Variants in BTBD9 observed in about 807,000 individuals in gnomAD.
The protein encoded by BTBD9 is BTB domain containing 9.
In BTBD9, 49 loss-of-function variants were observed where a neutral mutation model predicts 64.3. That is an observed-to-expected ratio of 0.76 (90% confidence interval 0.61 to 0.97). BTBD9 has a LOEUF of 0.97. Ranked by LOEUF, BTBD9 falls within the 50% of genes least tolerant of loss-of-function variation. The pLI is 0.00. For synonymous variants in BTBD9, 260 were observed against 274.7 expected (o/e 0.95, Z 0.53); for missense variants, 598 against 762.1 (o/e 0.78, Z 2.53).
At chr6:38,178,906 G>A (rs1761409694) in intron 10 of BTBD9, among the ~76,000 whole-genome samples, 1 of 152,116 alleles carries the variant, frequency 6.6e-6, no homozygotes, top group African/African-American at 2.4e-5. Flanking sequence ...AGGCTGGGGT[G>A]CAGGGGGGCT....
At chr6:38,342,449 T>C (rs998345991) in intron 7 of BTBD9, among the ~76,000 whole-genome samples, 32 of 151,190 alleles carry the variant, frequency 2.1e-4, no homozygotes, top group Admixed American at 5.3e-4. Flanking sequence ...GACAGGAGAA[T>C]TGCTTGAACC....
At chr6:38,557,306 T>C (rs1456130109) in intron 6 of BTBD9, among the ~76,000 whole-genome samples, 2 of 152,026 alleles carry the variant, frequency 1.3e-5, no homozygotes, top group Non-Finnish European at 2.9e-5. Context: ...GATCGTGCCA[T>C]TGCACTCCAG....
At chr6:38,513,751 C>T (rs1772882255) in intron 6 of BTBD9, among the ~76,000 whole-genome samples, 1 of 152,150 alleles carries the variant, frequency 6.6e-6, no homozygotes, top group Non-Finnish European at 1.5e-5. Flanking sequence ...CATGACTAGA[C>T]ATATTCAAGT....
chr6:38,618,921 G>A (rs1777890209), intron 1 of BTBD9, among the ~76,000 whole-genome samples: 1 of 152,162 alleles, frequency 6.6e-6, no homozygotes, highest in Non-Finnish European at 1.5e-5. Flanking sequence ...CTACCAGTCA[G>A]CAAGCCGTCC....
intron 9 of BTBD9, among the ~76,000 whole-genome samples, chr6:38,233,991 T>C (rs889013605): frequency 2.0e-5 from 3 of 152,362 alleles, no homozygotes; most frequent in South Asian, 2.1e-4. Context: ...ACTGTGTCCA[T>C]GCTAAAAATA....
chr6:38,519,840 T>C (rs181036476), intron 6 of BTBD9, among the ~76,000 whole-genome samples: 1 of 152,320 alleles, frequency 6.6e-6, no homozygotes, highest in Admixed American at 6.5e-5. Flanking sequence ...CTAAGCTAGA[T>C]CAAGGTGAGT....
chr6:38,301,873 G>C (rs1762416383), intron 7 of BTBD9, among the ~76,000 whole-genome samples: 1 of 151,956 alleles, frequency 6.6e-6, no homozygotes, highest in African/African-American at 2.4e-5. Context: ...GTTCTGCTCT[G>C]ATCTTAGTTA....
At chr6:38,556,125 C>T (rs1449740527) in intron 6 of BTBD9, among the ~76,000 whole-genome samples, 1 of 152,202 alleles carries the variant, frequency 6.6e-6, no homozygotes, top group Non-Finnish European at 1.5e-5. Context: ...CGAAAGGCCA[C>T]AGTCATCATG....
chr6:38,301,590 A>G (rs1279735861), intron 7 of BTBD9, among the ~76,000 whole-genome samples: 2 of 152,204 alleles, frequency 1.3e-5, no homozygotes, highest in African/African-American at 4.8e-5. Context: ...TAGTCTTGGG[A>G]GACTGTATGT....
intron 1 of BTBD9, among the ~76,000 whole-genome samples, chr6:38,631,652 G>T (rs1363365239): frequency 1.3e-5 from 2 of 152,126 alleles, no homozygotes; most frequent in African/African-American, 4.8e-5. Context: ...CCTGTCAACA[G>T]CCATGTGAGT....
chr6:38,386,791 T>C (rs1221072984), intron 6 of BTBD9, among the ~76,000 whole-genome samples: 56 of 152,102 alleles, frequency 3.7e-4, no homozygotes, highest in Non-Finnish European at 1.3e-4. Context: ...TACAGGTGTA[T>C]GCACAACATC....
At chr6:38,200,718 A>C (rs549317412) in intron 9 of BTBD9, among the ~76,000 whole-genome samples, 1 of 152,374 alleles carries the variant, frequency 6.6e-6, no homozygotes, top group Admixed American at 6.5e-5. Flanking sequence ...AATCAGGAAG[A>C]AATAGAAAAC....
intron 1 of BTBD9, among the ~76,000 whole-genome samples, chr6:38,620,280 C>T (rs1192866159): frequency 6.6e-6 from 1 of 152,200 alleles, no homozygotes; most frequent in East Asian, 1.9e-4. Context: ...AACTCCTATA[C>T]CCTGCTCTCT....
chr6:38,605,051 CTT>C (rs70981570), intron 1 of BTBD9, among the ~76,000 whole-genome samples: 7 of 143,076 alleles, frequency 4.9e-5, no homozygotes, highest in Admixed American at 1.4e-4. Flanking sequence ...TTTGCTAATT[CTT>C]TTTTTTTTTT....
chr6:38,244,634 T>C (rs1764119742), intron 9 of BTBD9, among the ~76,000 whole-genome samples: 1 of 152,184 alleles, frequency 6.6e-6, no homozygotes, highest in Non-Finnish European at 1.5e-5. Context: ...AAATAAACTT[T>C]ACTCTCTCTA....
intron 6 of BTBD9, among the ~76,000 whole-genome samples, chr6:38,501,754 T>C (rs1017170934): frequency 3.9e-5 from 6 of 152,206 alleles, no homozygotes; most frequent in African/African-American, 4.8e-5. Flanking sequence ...TCACAACAGA[T>C]TGAATGAGAA....
At chr6:38,523,879 C>A (rs935594145) in intron 6 of BTBD9, among the ~76,000 whole-genome samples, 3 of 152,184 alleles carry the variant, frequency 2.0e-5, no homozygotes, top group Non-Finnish European at 4.4e-5. Context: ...GGCAGATTCA[C>A]GGTTCACACC....
chr6:38,303,903 G>T (rs1372140147), intron 7 of BTBD9, among the ~76,000 whole-genome samples: 1 of 112,640 alleles, frequency 8.9e-6, no homozygotes, highest in Non-Finnish European at 1.8e-5. Flanking sequence ...ATATATATAC[G>T]TGTATATATG....
At chr6:38,191,322 G>T (rs1409687798) in intron 10 of BTBD9, among the ~76,000 whole-genome samples, 1 of 152,206 alleles carries the variant, frequency 6.6e-6, no homozygotes, top group African/African-American at 2.4e-5. Flanking sequence ...ACACCTTGAT[G>T]TGTTCTGGGG....
Sources: gnomAD v4.1 joint callset for allele counts (sites outside exome capture counted in the v4.1 genomes callset) on GRCh38, gnomAD v4.1.1 for gene constraint, MANE v1.5 for transcripts, NCBI Gene and HGNC (gene_info 2026-07-23, HGNC 2026-07-21) for gene names.